Variants in KIAA1328 observed in about 807,000 individuals in gnomAD.
KIAA1328 encodes the protein KIAA1328, also known as protein hinderin.
Under a neutral mutation model 68.1 loss-of-function variants are expected in KIAA1328, and 52 were observed. That is an observed-to-expected ratio of 0.76 (90% CI 0.61 to 0.96). The LOEUF is 0.96. Among genes scored for constraint, KIAA1328 ranks in the 40% least tolerant of loss-of-function variants. The pLI is 0.00. For missense variants in KIAA1328, 641 were observed against 677.6 expected, an observed-to-expected ratio of 0.95 and a Z score of 0.60; for synonymous variants, 232 against 239.4, an observed-to-expected ratio of 0.97 and a Z score of 0.28.
intron 7 of KIAA1328, among the ~76,000 whole-genome samples, chr18:37,140,700 T>C (rs2058747558): frequency 6.6e-6 from 1 of 152,196 alleles, no homozygotes; most frequent in Non-Finnish European, 1.5e-5. Context: ...TTAACCTGTC[T>C]TCTGCTATCT....
At chr18:37,083,383 T>C (rs1289611385) in intron 7 of KIAA1328, among the ~76,000 whole-genome samples, 1 of 152,236 alleles carries the variant, frequency 6.6e-6, no homozygotes. Context: ...AATGACAATA[T>C]TGTTTTAATA....
At chr18:37,025,105 G>A (rs1027989187) in intron 6 of KIAA1328, among the ~76,000 whole-genome samples, 1 of 152,094 alleles carries the variant, frequency 6.6e-6, no homozygotes, top group Non-Finnish European at 1.5e-5. Flanking sequence ...TTGTGGTTTT[G>A]ATTGAATTTC....
intron 4 of KIAA1328, among the ~76,000 whole-genome samples, chr18:36,870,934 C>T (rs1268284913): frequency 6.6e-6 from 1 of 152,240 alleles, no homozygotes; most frequent in Non-Finnish European, 1.5e-5. Context: ...GGGCTCCCCA[C>T]TCTTACCTGC....
chr18:37,130,490 C>A (rs1456212742), intron 7 of KIAA1328, among the ~76,000 whole-genome samples: 1 of 152,008 alleles, frequency 6.6e-6, no homozygotes, highest in Non-Finnish European at 1.5e-5. Flanking sequence ...TGGTGGTGCA[C>A]ACCTGTAATC....
intron 7 of KIAA1328, among the ~76,000 whole-genome samples, chr18:37,089,448 C>T (rs188815646): frequency 2.0e-4 from 28 of 142,572 alleles, no homozygotes; most frequent in Non-Finnish European, 1.0e-4. Context: ...AATCTCGGCT[C>T]ATTGCAACCT....
chr18:37,182,052 G>T (rs1342595542), intron 9 of KIAA1328, among the ~76,000 whole-genome samples: 1 of 152,014 alleles, frequency 6.6e-6, no homozygotes, highest in Non-Finnish European at 1.5e-5. Flanking sequence ...TCCTTGTTGT[G>T]TCTTCTCCAG....
chr18:37,028,665 A>G (rs1039216181), intron 6 of KIAA1328, among the ~76,000 whole-genome samples: 2 of 152,146 alleles, frequency 1.3e-5, no homozygotes, highest in African/African-American at 2.4e-5. Context: ...TGGGTTTATC[A>G]TAGATGGCTC....
chr18:37,100,094 C>T (rs952978921), intron 7 of KIAA1328, among the ~76,000 whole-genome samples: 7 of 152,136 alleles, frequency 4.6e-5, no homozygotes, highest in East Asian at 1.9e-4. Context: ...CCAGCATGAG[C>T]GATGCAGAAG....
intron 5 of KIAA1328, among the ~76,000 whole-genome samples, chr18:36,947,687 A>C (rs766272274): frequency 7.2e-5 from 11 of 152,210 alleles, no homozygotes; most frequent in Non-Finnish European, 1.5e-4. Context: ...AAGGTGCTAG[A>C]CTGGCAGCTA....
At chr18:36,889,027 A>G (rs926650931) in intron 5 of KIAA1328, among the ~76,000 whole-genome samples, 2 of 152,172 alleles carry the variant, frequency 1.3e-5, no homozygotes, top group Non-Finnish European at 2.9e-5. Flanking sequence ...ACAAACACAG[A>G]CTAGTGCCTT....
At chr18:37,023,276 A>C (rs1044538734) in intron 6 of KIAA1328, among the ~76,000 whole-genome samples, 35 of 152,148 alleles carry the variant, frequency 2.3e-4, no homozygotes, top group Admixed American at 1.3e-3. Context: ...GTGCTATGGC[A>C]TGAGCAGGAC....
At chr18:36,908,098 T>A (rs2049288177) in intron 5 of KIAA1328, among the ~76,000 whole-genome samples, 1 of 152,130 alleles carries the variant, frequency 6.6e-6, no homozygotes, top group South Asian at 2.1e-4. Context: ...ATTAACTGAA[T>A]TGGCTCGTTA....
Position 37,067,115 on chromosome 18 carries a change from A to G in KIAA1328, c.802A>G (p.Thr268Ala), listed in dbSNP as rs1234512120. 6 of 1,613,934 alleles carry G rather than the reference A, an allele frequency of 3.7e-6. No homozygotes were observed. The Admixed American group carries it at 6.7e-5, about 18-fold the overall frequency. ...AGATAAGATACCATCAGAGACCACA[A>G]CATGTAATTGTGAATCTCCAGGGAG... ...DLDKIPSETT[T>A]CNCESPGRKP... Residue 268 changes from threonine (T) to alanine (A), a missense_variant, in exon 7 of 10, where the codon ACA becomes GCA. Transcript: ENST00000280020.
chr18:36,873,752 A>G lies in KIAA1328; in HGVS notation c.333-11805A>G, dbSNP rs1601085779. The stretch of plus-strand genomic sequence containing the variant: ...TGTGCAGAACGTGCAGGTTTGTTAC[A>G]TAGATATACATGTGCCGTGGTGGTT... On this transcript the variant is annotated intron_variant, in intron 4 of 9. Transcript: ENST00000280020. Among the ~76,000 whole-genome samples the G allele has an allele frequency of 2.0e-5, 3 of 152,290 alleles. 1 individual carries two copies. The highest frequency in any genetic ancestry group is 2.0e-4 in the Admixed American group (3 of 15,292).
rs2059856136 is a variant in KIAA1328 at position 37,189,086 on chromosome 18, T to C, written c.1523+16005T>C. ...ACGAATTCTTTTCAGCTAATATGGC[T>C]TTCCATATGGGTGAGGATAGTCCGA... On this transcript the variant is annotated intron_variant, in intron 9 of 9. Coordinates refer to ENST00000280020, the MANE Select transcript of KIAA1328 (RefSeq NM_020776.3). Among the ~76,000 whole-genome samples the C allele has an allele frequency of 2.0e-5, 3 of 152,200 alleles. No individual in the cohort carries two copies. The South Asian group carries it at 6.2e-4, about 31-fold the overall frequency.
chr18:36,934,913 A>G (rs909872905), intron 5 of KIAA1328, among the ~76,000 whole-genome samples: 1 of 152,170 alleles, frequency 6.6e-6, no homozygotes, highest in African/African-American at 2.4e-5. Context: ...TTATTTACAT[A>G]TTGGTCCAAG....
intron 6 of KIAA1328, among the ~76,000 whole-genome samples, chr18:37,059,433 A>T (rs955276172): frequency 3.3e-5 from 5 of 152,226 alleles, no homozygotes; most frequent in Admixed American, 3.3e-4. Context: ...CAAACATAAG[A>T]AAAAAAGCTC....
chr18:37,222,115 A>G lies in KIAA1328; in HGVS notation c.1622A>G (p.His541Arg). 5 of 1,613,334 alleles carry G rather than the reference A, an allele frequency of 3.1e-6. No homozygotes were observed. The highest frequency in any genetic ancestry group is 4.2e-6 in the Non-Finnish European group (5 of 1,179,662). Residue 541 changes from histidine to arginine, a missense_variant, in exon 10 of 10, where the codon CAT becomes CGT. By Grantham distance (29) the His-to-Arg change is conservative. Coordinates refer to ENST00000280020, the MANE Select transcript of KIAA1328 (RefSeq NM_020776.3). ...YPSREAGAWN[H>R]GTFRLSPLKS... ...TCCAGAGAAGCTGGGGCCTGGAATCATGGTACTTTCCGACTCAGTCCTCTA... is the reference window on the plus strand; with the variant it reads ...TCCAGAGAAGCTGGGGCCTGGAATCGTGGTACTTTCCGACTCAGTCCTCTA...
chr18:36,935,610 G>C (rs532166018), intron 5 of KIAA1328, among the ~76,000 whole-genome samples: 2 of 152,212 alleles, frequency 1.3e-5, no homozygotes, highest in South Asian at 4.2e-4. Context: ...TTTTTATGGG[G>C]GTGGGGAGTG....
Sources: gnomAD v4.1 joint callset for allele counts (sites outside exome capture counted in the v4.1 genomes callset) on GRCh38, gnomAD v4.1.1 for gene constraint, MANE v1.5 for transcripts, NCBI Gene and HGNC (gene_info 2026-07-23, HGNC 2026-07-21) for gene names.